The following FGFR2 variants were observed in gnomAD, a reference collection of about 807,000 sequenced individuals.
The protein encoded by FGFR2 is BEK fibroblast growth factor receptor.
Under a neutral mutation model 95.9 loss-of-function variants are expected in FGFR2, and 19 were observed. The ratio of observed to expected loss-of-function variants is 0.20; its 90% CI spans 0.14 to 0.29. The LOEUF is 0.29. Ranked by LOEUF, FGFR2 falls within the 10% of genes least tolerant of loss-of-function variation. The pLI is 1.00. For missense variants in FGFR2, 707 were observed against 1,056.9 expected, an observed-to-expected ratio of 0.67 and a Z score of 4.59; for synonymous variants, 392 against 393.3, an observed-to-expected ratio of 1.00 and a Z score of 0.04.
intron 9 of FGFR2, among the ~76,000 whole-genome samples, chr10:121,508,249 T>A (rs535605102): frequency 5.9e-5 from 9 of 152,342 alleles, no homozygotes; most frequent in African/African-American, 2.2e-4. Flanking sequence ...TATGCCTTAG[T>A]GGGCATGTCT....
At chr10:121,482,557 T>G (rs1281175298) in intron 17 of FGFR2, among the ~76,000 whole-genome samples, 1 of 152,226 alleles carries the variant, frequency 6.6e-6, no homozygotes, top group African/African-American at 2.4e-5. Flanking sequence ...TGGAGTTAGT[T>G]TCCTGTGTAA....
intron 2 of FGFR2, among the ~76,000 whole-genome samples, chr10:121,580,253 G>A (rs1860626027): frequency 6.6e-6 from 1 of 152,218 alleles, no homozygotes; most frequent in Non-Finnish European, 1.5e-5. Flanking sequence ...TGTTTGGCAA[G>A]TTGATTTAAA....
intron 2 of FGFR2, among the ~76,000 whole-genome samples, chr10:121,580,578 T>C (rs1860695380): frequency 6.6e-6 from 1 of 152,224 alleles, no homozygotes; most frequent in South Asian, 2.1e-4. Context: ...CACACTGCCT[T>C]CGGGTGGGCG....
rs143133068 is a variant in FGFR2 at position 121,490,424 on chromosome 10, A to G, written c.1864-2311T>C. The stretch of plus-strand genomic sequence containing the variant: ...AGTGATCCACCCGCCTCGGCCTCCC[A>G]AAGTACTGGGATTATAGGCGTGAGC... On this transcript the variant is annotated intron_variant, in intron 13 of 17. Transcript: ENST00000358487. 9.4e-3 allele frequency among the ~76,000 whole-genome samples: 1,426 copies of G among 152,230 alleles called. 24 individuals carry two copies. The highest frequency in any genetic ancestry group is 0.033 in the African/African-American group (1,352 of 41,538).
In FGFR2 at chr10:121,482,212, C is replaced by T. The variant is rs866834633; in HGVS notation, c.2301+1486G>A. 1.9e-6 allele frequency: 3 copies of T among 1,605,440 alleles called. No homozygotes were observed. The South Asian group carries it at 3.3e-5, about 18-fold the overall frequency. ...AAAAAACAGGGATATCAGTAGATTCCAAGTCTACAGTTAAAGGAACTTATA... is the reference window on the plus strand; with the variant it reads ...AAAAAACAGGGATATCAGTAGATTCTAAGTCTACAGTTAAAGGAACTTATA... On this transcript the variant is annotated intron_variant, in intron 17 of 17. Coordinates refer to ENST00000358487, the MANE Select transcript of FGFR2 (RefSeq NM_000141.5).
chr10:121,530,071 A>G (rs1361892474), intron 6 of FGFR2, among the ~76,000 whole-genome samples: 5 of 151,996 alleles, frequency 3.3e-5, no homozygotes, highest in Non-Finnish European at 7.4e-5. Context: ...ACAGACACCC[A>G]CATTTGACCA....
chr10:121,482,185 G>GA lies in FGFR2; in HGVS notation c.2301+1512dup, dbSNP rs775759591. On this transcript the variant is annotated intron_variant, in intron 17 of 17. Transcript: ENST00000358487. Reference sequence around the variant, plus strand: ...AGCCATAAACTTTCAGATCTGATAGGAAAAAAACAGGGATATCAGTAGATT... The same window carrying GA: ...AGCCATAAACTTTCAGATCTGATAGGAAAAAAAACAGGGATATCAGTAGATT... 18 of 1,610,822 alleles carry GA rather than the reference G, an allele frequency of 1.1e-5. No individual in the cohort carries two copies. Among genetic ancestry groups the GA allele is most frequent in the Middle Eastern group, 3.3e-4 (2 of 6,068 alleles).
At chr10:121,564,191 T>C (rs1226823802) in intron 4 of FGFR2, 1 of 424,418 alleles carries the variant, frequency 2.4e-6, no homozygotes, top group East Asian at 4.8e-5. Flanking sequence ...TGTTACATGG[T>C]TCTACTATTC....
intron 9 of FGFR2, among the ~76,000 whole-genome samples, chr10:121,512,818 T>A (rs139891319): frequency 7.8e-4 from 119 of 152,258 alleles, no homozygotes; most frequent in Middle Eastern, 6.8e-3. Flanking sequence ...ACTCTGATGT[T>A]CCCTCTGGTA....
intron 5 of FGFR2, among the ~76,000 whole-genome samples, chr10:121,547,288 A>G (rs142949141): frequency 6.6e-6 from 1 of 152,310 alleles, no homozygotes; most frequent in African/African-American, 2.4e-5. Context: ...AATCAGTTAG[A>G]TGTCAGGCCC....
intron 2 of FGFR2, among the ~76,000 whole-genome samples, chr10:121,573,809 C>T (rs1859251978): frequency 6.6e-6 from 1 of 152,190 alleles, no homozygotes; most frequent in Non-Finnish European, 1.5e-5. Flanking sequence ...GTAACAGGAG[C>T]GCTGCGGGAA....
Position 121,515,318 on chromosome 10 carries a change from C to A in FGFR2, c.1086G>T (p.Ala362=), listed in dbSNP as rs151250769. 12 of 1,613,920 alleles carry A rather than the reference C, an allele frequency of 7.4e-6. No individual in the cohort carries two copies. The highest frequency in any genetic ancestry group is 9.3e-6 in the Non-Finnish European group (11 of 1,179,978). The part of the protein sequence containing the change: ...FHSAWLTVLP[A]PGREKEITAS... ...CTGTAATCTCCTTTTCTCTTCCAGG[C>A]GCTAGATTGCAGATCACAGGAGGAG... Residue 362 remains alanine, a splice_region_variant and synonymous_variant, in exon 9 of 18, where the codon GCG becomes GCT. Coordinates refer to ENST00000358487, the MANE Select transcript of FGFR2 (RefSeq NM_000141.5).
intron 2 of FGFR2, among the ~76,000 whole-genome samples, chr10:121,572,224 T>C (rs1304886472): frequency 6.6e-6 from 1 of 150,390 alleles, no homozygotes; most frequent in Non-Finnish European, 1.5e-5. Flanking sequence ...CACAGGGGGC[T>C]GAGGTAGGAA....
intron 6 of FGFR2, among the ~76,000 whole-genome samples, chr10:121,528,591 AG>A (rs1851688805): frequency 6.6e-6 from 1 of 152,236 alleles, no homozygotes; most frequent in South Asian, 2.1e-4. Flanking sequence ...CAGAAGTAAA[AG>A]CTTTCAGCCC....
chr10:121,560,538 C>T (rs917854948), intron 4 of FGFR2, among the ~76,000 whole-genome samples: 1 of 146,116 alleles, frequency 6.8e-6, no homozygotes, highest in African/African-American at 2.6e-5. Context: ...TGGCGTGAAC[C>T]CGGGAGGCGG....
At chr10:121,535,827 C>A (rs147591664) in intron 6 of FGFR2, among the ~76,000 whole-genome samples, 138 of 152,312 alleles carry the variant, frequency 9.1e-4, no homozygotes, top group African/African-American at 3.1e-3. Context: ...AATTCTAGAA[C>A]ACAAGAATGT....
intron 6 of FGFR2, among the ~76,000 whole-genome samples, chr10:121,525,530 T>C (rs986578601): frequency 1.3e-5 from 2 of 152,140 alleles, no homozygotes; most frequent in East Asian, 3.9e-4. Context: ...GGATGGGCTC[T>C]GTCAAGCCCT....
rs989694456 is a variant in FGFR2 at position 121,596,393 on chromosome 10, A to C, written c.-151+1569T>G. 5.1e-5 allele frequency: 10 copies of C among 197,526 alleles called. No individual in the cohort carries two copies. In the South Asian group the frequency reaches 9.6e-4, roughly 19 times the overall value. 12.2% of individuals were successfully genotyped at this position (197,526 alleles called of 1,614,324 possible). A position where few individuals can be genotyped will look rare whatever the true frequency, so the allele number is the denominator to read the frequency against. ...ATTCCCAAAACCCCCGCCCTCCAAG[A>C]AGGCAGACCAATACAGTGCCCTCCG... On this transcript the variant is annotated intron_variant, in intron 1 of 17. Transcript: ENST00000358487.
Position 121,560,738 on chromosome 10 carries a change from C to T in FGFR2, c.454+3764G>A, listed in dbSNP as rs183326856. Among the ~76,000 whole-genome samples the T allele has an allele frequency of 4.0e-5, 6 of 151,824 alleles. No individual in the cohort carries two copies. The East Asian group carries it at 1.2e-3, about 29-fold the overall frequency. ...TGGTACAAATCACAGAAGATACTTC[C>T]ACTCACCTTATTATCCACTGTTTTA... On this transcript the variant is annotated intron_variant, in intron 4 of 17. Coordinates refer to ENST00000358487, the MANE Select transcript of FGFR2 (RefSeq NM_000141.5).
Sources: gnomAD v4.1 joint callset for allele counts (sites outside exome capture counted in the v4.1 genomes callset) on GRCh38, gnomAD v4.1.1 for gene constraint, MANE v1.5 for transcripts, NCBI Gene and HGNC (gene_info 2026-07-23, HGNC 2026-07-21) for gene names.